Variants in CSMD3 observed in about 807,000 individuals in gnomAD.
CSMD3 encodes the protein CUB and Sushi multiple domains 3.
CSMD3 carries 177 observed loss-of-function variants against 435.2 expected under a neutral mutation model. That is an observed-to-expected ratio of 0.41 (90% CI 0.36 to 0.46). CSMD3 has a LOEUF of 0.46. Ranked by LOEUF, CSMD3 falls within the 20% of genes least tolerant of loss-of-function variation. The probability of loss-of-function intolerance (pLI) is 0.34; values close to 1 mark genes in which losing one functional copy is unlikely to be tolerated. For missense variants in CSMD3, 4,265 were observed against 4,504.6 expected (o/e 0.95, Z 1.52); for synonymous variants, 1,656 against 1,520.5 (o/e 1.09, Z -2.07).
intron 3 of CSMD3, among the ~76,000 whole-genome samples, chr8:113,265,253 T>A (rs527630535): frequency 1.3e-5 from 2 of 151,380 alleles, no homozygotes; most frequent in Non-Finnish European, 3.0e-5. Flanking sequence ...GAAAGATAAG[T>A]ATGTGAGCCA....
chr8:113,109,682 T>C (rs1256764365), intron 4 of CSMD3, among the ~76,000 whole-genome samples: 1 of 152,158 alleles, frequency 6.6e-6, no homozygotes, highest in Admixed American at 6.5e-5. Context: ...TCAAATCGGC[T>C]CTGTGCCTGG....
At chr8:113,196,696 T>C (rs1174448492) in intron 3 of CSMD3, among the ~76,000 whole-genome samples, 1 of 151,218 alleles carries the variant, frequency 6.6e-6, no homozygotes, top group Non-Finnish European at 1.5e-5. Context: ...CTTGAACAAG[T>C]GGTAAACTAA....
At chr8:113,087,560 T>G (rs2131490296) in intron 5 of CSMD3, among the ~76,000 whole-genome samples, 1 of 152,214 alleles carries the variant, frequency 6.6e-6, no homozygotes. Context: ...GCCGCATATC[T>G]ACAACTATCT....
At chr8:112,281,689 G>A (rs1006009791) in intron 58 of CSMD3, among the ~76,000 whole-genome samples, 1 of 152,056 alleles carries the variant, frequency 6.6e-6, no homozygotes, top group African/African-American at 2.4e-5. Context: ...TGTCTAAAAA[G>A]CAACTCATGT....
chr8:113,281,565 G>A (rs560072905), intron 2 of CSMD3, among the ~76,000 whole-genome samples: 28 of 151,826 alleles, frequency 1.8e-4, no homozygotes, highest in African/African-American at 6.5e-4. Flanking sequence ...TGTTAGGTGA[G>A]TCTCCTGAAG....
Position 112,472,669 on chromosome 8 carries a change from C to T in CSMD3, c.5317G>A (p.Val1773Ile). 6.2e-7 allele frequency: 1 copy of T among 1,612,022 alleles called. No homozygotes were observed. The highest frequency in any genetic ancestry group is 2.2e-5 in the East Asian group (1 of 44,772). ...GSRSTGSEGTVLSPNYPKNYS... is the reference protein window; with the variant it reads ...GSRSTGSEGTILSPNYPKNYS... The stretch of plus-strand genomic sequence containing the variant: ...TTTTTTGGATAGTTTGGTGATAGAA[C>T]AGTGCCTTCTGAACCTGTTGAACGA... The change falls in exon 32 of 71, where the codon GTT (valine) becomes ATT (isoleucine). Residue 1773 changes from valine (V) to isoleucine (I), a missense_variant. By Grantham distance (29) the Val-to-Ile change is conservative (BLOSUM62 3). This residue lies in a region of CSMD3 where 3,255 missense variants were observed against 3,380.2 expected (regional missense o/e 0.96). Coordinates refer to ENST00000297405, the MANE Select transcript of CSMD3 (RefSeq NM_198123.2).
rs112500204 is a variant in CSMD3, at chr8:112,574,462, T to A, written c.3886-805A>T. 4.1e-3 allele frequency among the ~76,000 whole-genome samples: 620 copies of A among 152,078 alleles called. 4 individuals carry two copies. Among genetic ancestry groups the A allele is most frequent in the African/African-American group, 0.013 (536 of 41,546 alleles). On this transcript the variant is annotated intron_variant, in intron 23 of 70. Transcript: ENST00000297405. Reference sequence around the variant, plus strand: ...GTAACCTCATGTTTTTTGGTACTTGTACTTCAGCAAAAAAGTTCTAGAAAT... The same window carrying A: ...GTAACCTCATGTTTTTTGGTACTTGAACTTCAGCAAAAAAGTTCTAGAAAT...
intron 5 of CSMD3, among the ~76,000 whole-genome samples, chr8:113,091,773 TATTTCA>T (rs1315742478): frequency 6.6e-6 from 1 of 152,008 alleles, no homozygotes; most frequent in African/African-American, 2.4e-5. Flanking sequence ...TCTTTATTTC[TATTTCA>T]TTTATTTCTG....
At chr8:112,669,223 A>G (rs1291082896) in intron 16 of CSMD3, among the ~76,000 whole-genome samples, 2 of 151,868 alleles carry the variant, frequency 1.3e-5, no homozygotes, top group South Asian at 2.1e-4. Context: ...TAGTAGAGAC[A>G]GGGTTTCGCC....
chr8:113,088,935 C>T (rs1054615308), intron 5 of CSMD3, among the ~76,000 whole-genome samples: 4 of 152,128 alleles, frequency 2.6e-5, no homozygotes, highest in African/African-American at 9.7e-5. Flanking sequence ...TTACATTCTA[C>T]ACCAGCAAAG....
intron 64 of CSMD3, 84 bp downstream of exon 64, chr8:112,246,936 T>A: frequency 1.1e-6 from 1 of 898,058 alleles, no homozygotes; most frequent in Non-Finnish European, 1.8e-6. Context: ...CACATATAGA[T>A]GTAAATGTAT....
At chr8:112,633,531 G>C (rs2074575098) in intron 22 of CSMD3, among the ~76,000 whole-genome samples, 1 of 151,956 alleles carries the variant, frequency 6.6e-6, no homozygotes, top group South Asian at 2.1e-4. Context: ...ATTTTTCATA[G>C]ATGTAAATGG....
rs183056749 is a variant in CSMD3 at position 112,860,565 on chromosome 8, T to C, written c.1634-1299A>G. ...CAAAATATTTCAGTCTGATTCTCATTCTCATTTCAGTGTTTAAATTGCTTT... is the reference window on the plus strand; with the variant it reads ...CAAAATATTTCAGTCTGATTCTCATCCTCATTTCAGTGTTTAAATTGCTTT... On this transcript the variant is annotated intron_variant, in intron 10 of 70. Coordinates refer to ENST00000297405, the MANE Select transcript of CSMD3 (RefSeq NM_198123.2). Among the ~76,000 whole-genome samples the C allele has an allele frequency of 1.7e-3, 254 of 151,892 alleles. 1 individual carries two copies. The highest frequency in any genetic ancestry group is 2.0e-3 in the Non-Finnish European group (134 of 67,752).
At chr8:112,620,888 C>T (rs1834015841) in intron 22 of CSMD3, among the ~76,000 whole-genome samples, 1 of 152,118 alleles carries the variant, frequency 6.6e-6, no homozygotes, top group African/African-American at 2.4e-5. Flanking sequence ...TCTCATTGGT[C>T]TTTGGTTAAC....
intron 1 of CSMD3, among the ~76,000 whole-genome samples, chr8:113,409,914 T>G (rs2094550504): frequency 6.6e-6 from 1 of 151,844 alleles, no homozygotes; most frequent in South Asian, 2.1e-4. Flanking sequence ...TCTCTAGACC[T>G]GGGTGGAGGG....
intron 9 of CSMD3, among the ~76,000 whole-genome samples, chr8:112,924,721 C>A (rs937738142): frequency 1.3e-5 from 2 of 151,968 alleles, no homozygotes; most frequent in Non-Finnish European, 2.9e-5. Flanking sequence ...TACAGATTAG[C>A]CATCTCAACA....
intron 1 of CSMD3, among the ~76,000 whole-genome samples, chr8:113,343,237 T>C (rs1466957459): frequency 6.6e-6 from 1 of 152,120 alleles, no homozygotes; most frequent in Non-Finnish European, 1.5e-5. Context: ...TGAAGGTAAT[T>C]TAAATGATTC....
chr8:112,631,453 C>G (rs546470793), intron 22 of CSMD3, among the ~76,000 whole-genome samples: 1 of 152,130 alleles, frequency 6.6e-6, no homozygotes, highest in Admixed American at 6.6e-5. Context: ...AATTGTGCAT[C>G]AATAAATAAG....
chr8:112,902,167 C>G (rs1018553258), intron 10 of CSMD3, among the ~76,000 whole-genome samples: 3 of 151,118 alleles, frequency 2.0e-5, no homozygotes, highest in African/African-American at 7.3e-5. Flanking sequence ...AAGGAGACAG[C>G]CTTTATCTAG....
Sources: allele counts gnomAD v4.1 joint callset (sites outside exome capture counted in the v4.1 genomes callset), GRCh38; gene constraint gnomAD v4.1.1; regional missense constraint gnomAD v4.1.1; transcripts MANE v1.5; gene names NCBI Gene and HGNC (gene_info 2026-07-23, HGNC 2026-07-21).